The following KIAA0232 variants were observed in gnomAD, a reference collection of about 807,000 sequenced individuals.
The protein encoded by KIAA0232 is KIAA0232.
A neutral mutation model predicts 122.0 loss-of-function variants in KIAA0232; 27 were observed. The ratio of observed to expected loss-of-function variants is 0.22; its 90% CI spans 0.16 to 0.31. The LOEUF is 0.31. Ranked by LOEUF, KIAA0232 falls within the 10% of genes least tolerant of loss-of-function variation. The pLI is 1.00. For missense variants in KIAA0232, 1,551 were observed against 1,634.2 expected, an observed-to-expected ratio of 0.95 and a Z score of 0.88; for synonymous variants, 613 against 587.6, an observed-to-expected ratio of 1.04 and a Z score of -0.63.
At chr4:6,853,546 A>C (rs1040457102) in intron 4 of KIAA0232, among the ~76,000 whole-genome samples, 2 of 152,200 alleles carry the variant, frequency 1.3e-5, no homozygotes, top group Non-Finnish European at 2.9e-5. Flanking sequence ...GCCATGTGCA[A>C]ATGGAACAGG....
intron 4 of KIAA0232, among the ~76,000 whole-genome samples, chr4:6,851,722 T>TAAAAAAAAA (rs74937263): frequency 2.1e-5 from 2 of 97,220 alleles, no homozygotes; most frequent in African/African-American, 4.3e-5. Context: ...TCTCAAAAAT[T>TAAAAAAAAA]AAAAAAAAAA....
intron 4 of KIAA0232, among the ~76,000 whole-genome samples, chr4:6,845,768 G>A (rs367740141): frequency 1.3e-5 from 2 of 152,102 alleles, no homozygotes; most frequent in South Asian, 2.1e-4. Context: ...TTTGACTCAC[G>A]GTTAAGCTGG....
intron 9 of KIAA0232, 97 bp from the exon 10 acceptor site, chr4:6,880,687 CTGA>C: frequency 4.9e-6 from 4 of 810,966 alleles, no homozygotes; most frequent in Non-Finnish European, 7.1e-6. Context: ...CAGGAAAACA[CTGA>C]TGATTTATTA....
chr4:6,858,948 A>T (rs563393305), intron 6 of KIAA0232, among the ~76,000 whole-genome samples: 6 of 152,100 alleles, frequency 3.9e-5, no homozygotes, highest in African/African-American at 1.4e-4. Context: ...AGTCTCAAAT[A>T]TTAGTTGAGC....
chr4:6,871,723 G>C, intron 8 of KIAA0232, 41 bp downstream of exon 8: 2 of 1,200,046 alleles, frequency 1.7e-6, no homozygotes, highest in South Asian at 2.5e-5. Flanking sequence ...ATTGCAATTT[G>C]TAATTTGTTA....
At chr4:6,801,120 G>A (rs1298611066) in intron 1 of KIAA0232, among the ~76,000 whole-genome samples, 1 of 152,204 alleles carries the variant, frequency 6.6e-6, no homozygotes, top group Admixed American at 6.5e-5. Flanking sequence ...TGTTAGACCT[G>A]TTGTGTCCAG....
At chr4:6,812,264 A>G (rs941178598) in intron 2 of KIAA0232, among the ~76,000 whole-genome samples, 1 of 152,144 alleles carries the variant, frequency 6.6e-6, no homozygotes, top group African/African-American at 2.4e-5. Context: ...TTTTGTGATT[A>G]TGGAAATGTA....
chr4:6,832,069 G>T (rs1719014722), intron 3 of KIAA0232, among the ~76,000 whole-genome samples: 1 of 152,156 alleles, frequency 6.6e-6, no homozygotes, highest in Non-Finnish European at 1.5e-5. Context: ...TGTCGTTATT[G>T]GCTTTTCTAG....
intron 7 of KIAA0232, among the ~76,000 whole-genome samples, chr4:6,865,810 A>T (rs965784239): frequency 2.0e-5 from 3 of 151,818 alleles, no homozygotes; most frequent in African/African-American, 7.3e-5. Flanking sequence ...CTCCAGCCCC[A>T]CTCTGCATCA....
intron 2 of KIAA0232, among the ~76,000 whole-genome samples, chr4:6,823,950 G>A (rs1718545098): frequency 6.6e-6 from 1 of 152,126 alleles, no homozygotes; most frequent in African/African-American, 2.4e-5. Context: ...CCTGGGTTCA[G>A]GCAGTCTTCC....
chr4:6,848,889 G>C (rs1720119390), intron 4 of KIAA0232, among the ~76,000 whole-genome samples: 1 of 152,244 alleles, frequency 6.6e-6, no homozygotes, highest in Non-Finnish European at 1.5e-5. Context: ...AGTGCTCACA[G>C]TTGTTGTGTG....
At chr4:6,871,468 A>G in intron 7 of KIAA0232, 106 bp from the exon 8 acceptor site, 1 of 661,180 alleles carries the variant, frequency 1.5e-6, no homozygotes, top group South Asian at 2.0e-5. Context: ...AAACCTCACC[A>G]GTTTAAAAGT....
At chr4:6,827,512 T>C (rs1053841867) in intron 3 of KIAA0232, among the ~76,000 whole-genome samples, 1 of 152,234 alleles carries the variant, frequency 6.6e-6, no homozygotes, top group African/African-American at 2.4e-5. Context: ...ACCACTGTAC[T>C]CCTGGGTGTT....
At chr4:6,810,412 A>T (rs910472412) in intron 2 of KIAA0232, among the ~76,000 whole-genome samples, 6 of 152,202 alleles carry the variant, frequency 3.9e-5, no homozygotes, top group African/African-American at 1.4e-4. Context: ...CTCTCACCAT[A>T]TACAAAAAAT....
chr4:6,868,954 T>C (rs1215921391), intron 7 of KIAA0232, among the ~76,000 whole-genome samples: 1 of 152,046 alleles, frequency 6.6e-6, no homozygotes, highest in South Asian at 2.1e-4. Flanking sequence ...AGAGAAGAAA[T>C]GATGTATGAG....
intron 4 of KIAA0232, among the ~76,000 whole-genome samples, chr4:6,854,485 T>C (rs951147934): frequency 6.6e-6 from 1 of 152,208 alleles, no homozygotes; most frequent in Non-Finnish European, 1.5e-5. Flanking sequence ...ATTTGTTCAC[T>C]GGGTGCGTGA....
In KIAA0232 at chr4:6,863,766, T is replaced by C; in HGVS notation, c.3384T>C (p.Ser1128=). 1 of 1,614,202 alleles carries C rather than the reference T, an allele frequency of 6.2e-7. No homozygotes were observed. Among genetic ancestry groups the C allele is most frequent in the African/African-American group, 1.3e-5 (1 of 75,054 alleles). The change falls in exon 7 of 10, where the codon TCT becomes TCC. Residue 1128 remains serine, a synonymous_variant. Coordinates refer to ENST00000307659, the MANE Select transcript of KIAA0232 (RefSeq NM_014743.3). ...PGGGSESEFE[S]EKDEANIPIP... The stretch of plus-strand genomic sequence containing the variant: ...GAGGAAGCGAGTCAGAATTTGAATC[T>C]GAGAAAGATGAAGCAAATATTCCCA...
intron 4 of KIAA0232, among the ~76,000 whole-genome samples, chr4:6,848,188 C>G (rs1164897877): frequency 6.6e-6 from 1 of 152,190 alleles, no homozygotes; most frequent in Non-Finnish European, 1.5e-5. Flanking sequence ...TGAGCTAAGT[C>G]TACCAGTAAA....
intron 1 of KIAA0232, among the ~76,000 whole-genome samples, chr4:6,802,679 C>G (rs1281799431): frequency 2.0e-5 from 3 of 151,714 alleles, no homozygotes; most frequent in Non-Finnish European, 2.9e-5. Context: ...CACGTCTTCC[C>G]CAAGGACATA....
Sources: gnomAD v4.1 joint callset for allele counts (sites outside exome capture counted in the v4.1 genomes callset) on GRCh38, gnomAD v4.1.1 for gene constraint, MANE v1.5 for transcripts, NCBI Gene and HGNC (gene_info 2026-07-23, HGNC 2026-07-21) for gene names.